The following EPHA6 variants were observed in gnomAD, a reference collection of about 807,000 sequenced individuals.
The protein encoded by EPHA6 is ephrin type-A receptor 6.
Under a neutral mutation model 112.0 loss-of-function variants are expected in EPHA6, and 50 were observed. The observed-to-expected ratio is 0.45, with a 90% CI of 0.36 to 0.56. The LOEUF (loss-of-function observed/expected upper bound fraction) is 0.56. Ranked by LOEUF, EPHA6 falls within the 20% of genes least tolerant of loss-of-function variation. The pLI, the probability that EPHA6 is intolerant of heterozygous loss-of-function variation, is 0.00. For missense variants in EPHA6, 1,280 were observed against 1,417.4 expected (o/e 0.90, Z 1.56); for synonymous variants, 529 against 490.7 (o/e 1.08, Z -1.03).
intron 7 of EPHA6, among the ~76,000 whole-genome samples, chr3:97,464,791 T>C (rs1416932313): frequency 1.3e-5 from 2 of 152,148 alleles, no homozygotes; most frequent in Non-Finnish European, 2.9e-5. Context: ...GGATAAGCTA[T>C]AGAAAAAATA....
At chr3:97,066,479 G>A (rs1399210106) in intron 3 of EPHA6, among the ~76,000 whole-genome samples, 1 of 152,038 alleles carries the variant, frequency 6.6e-6, no homozygotes, top group Non-Finnish European at 1.5e-5. Flanking sequence ...GAGGTTTTAA[G>A]GTTTTAGGAA....
intron 6 of EPHA6, among the ~76,000 whole-genome samples, chr3:97,440,378 G>T (rs1482789372): frequency 6.6e-6 from 1 of 151,848 alleles, no homozygotes; most frequent in East Asian, 1.9e-4. Flanking sequence ...TAAAGAGTTT[G>T]ATTTCCTCAA....
chr3:97,452,148 C>T (rs1015507623), intron 7 of EPHA6, among the ~76,000 whole-genome samples: 12 of 151,792 alleles, frequency 7.9e-5, no homozygotes, highest in Admixed American at 3.3e-4. Context: ...AAAATTATGG[C>T]GACCCTCTTG....
At chr3:97,553,823 T>C (rs1294916164) in intron 11 of EPHA6, among the ~76,000 whole-genome samples, 1 of 152,134 alleles carries the variant, frequency 6.6e-6, no homozygotes, top group East Asian at 1.9e-4. Context: ...CTTGGAATCA[T>C]CATGTGGCAT....
At chr3:97,548,262 A>G (rs762076538) in intron 11 of EPHA6, among the ~76,000 whole-genome samples, 5 of 152,186 alleles carry the variant, frequency 3.3e-5, no homozygotes, top group Non-Finnish European at 7.3e-5. Flanking sequence ...CATTTTTGGC[A>G]GTGGCATCAC....
Position 97,221,784 on chromosome 3 carries a change from C to T in EPHA6, c.1115-4480C>T, listed in dbSNP as rs182585297. 4.9e-4 allele frequency among the ~76,000 whole-genome samples: 74 copies of T among 152,228 alleles called. No homozygotes were observed. In the East Asian group the frequency reaches 0.011, roughly 22 times the overall value. On this transcript the variant is annotated intron_variant, in intron 3 of 17. Coordinates refer to ENST00000389672, the MANE Select transcript of EPHA6 (RefSeq NM_001080448.3). Reference sequence around the variant, plus strand: ...CGGTGGCTCATGCCTGTAATCCCAGCACTTTGGGAGGCCGACGCAGGTGGA... The same window carrying T: ...CGGTGGCTCATGCCTGTAATCCCAGTACTTTGGGAGGCCGACGCAGGTGGA...
intron 2 of EPHA6, among the ~76,000 whole-genome samples, chr3:96,934,649 A>G (rs1389119989): frequency 6.6e-6 from 1 of 151,320 alleles, no homozygotes; most frequent in Non-Finnish European, 1.5e-5. Context: ...ATTTGTAAAA[A>G]TTACTTTATA....
At chr3:97,120,156 T>C (rs1282341335) in intron 3 of EPHA6, among the ~76,000 whole-genome samples, 1 of 152,056 alleles carries the variant, frequency 6.6e-6, no homozygotes, top group African/African-American at 2.4e-5. Context: ...AAAATTATTC[T>C]TTCTACTGAT....
intron 14 of EPHA6, among the ~76,000 whole-genome samples, chr3:97,694,733 A>G (rs530146063): frequency 2.6e-5 from 4 of 152,346 alleles, no homozygotes; most frequent in African/African-American, 9.6e-5. Flanking sequence ...CTTCCATTGT[A>G]TAGTGTCAGA....
At chr3:97,629,124 T>TA (rs1473776470) in intron 13 of EPHA6, among the ~76,000 whole-genome samples, 1 of 151,876 alleles carries the variant, frequency 6.6e-6, no homozygotes, top group Non-Finnish European at 1.5e-5. Context: ...GATGGGGTCT[T>TA]ACTCTGTTGC....
intron 2 of EPHA6, among the ~76,000 whole-genome samples, chr3:96,968,520 A>G (rs2042207868): frequency 6.6e-6 from 1 of 151,754 alleles, no homozygotes; most frequent in Non-Finnish European, 1.5e-5. Flanking sequence ...AGAAGTATAT[A>G]TGAGAATTAA....
intron 3 of EPHA6, among the ~76,000 whole-genome samples, chr3:97,147,732 A>G (rs1371756430): frequency 6.6e-6 from 1 of 152,146 alleles, no homozygotes; most frequent in African/African-American, 2.4e-5. Context: ...GTTCTGCAGC[A>G]TATCTGGTCA....
chr3:97,421,814 ATG>A (rs1173423012), intron 6 of EPHA6, among the ~76,000 whole-genome samples: 1 of 152,142 alleles, frequency 6.6e-6, no homozygotes, highest in Non-Finnish European at 1.5e-5. Flanking sequence ...AGACTTGCAC[ATG>A]TGTGGACCTT....
At chr3:97,246,857 G>A (rs2079000874) in intron 5 of EPHA6, among the ~76,000 whole-genome samples, 1 of 151,860 alleles carries the variant, frequency 6.6e-6, no homozygotes, top group Admixed American at 6.6e-5. Context: ...TGAAAATGCA[G>A]ATACTCCAGG....
chr3:96,817,221 TACAGCCTAAAGTCATAGTGAGTAGA>T (rs1220700407), intron 1 of EPHA6, among the ~76,000 whole-genome samples: 1 of 151,964 alleles, frequency 6.6e-6, no homozygotes, highest in African/African-American at 2.4e-5. Context: ...TGATGCTTTT[TACAGCCTAAAGTCATAGTGAGTAGA>T]AATTTTTCCT....
At chr3:96,899,013 G>A (rs2038446430) in intron 2 of EPHA6, among the ~76,000 whole-genome samples, 1 of 149,482 alleles carries the variant, frequency 6.7e-6, no homozygotes, top group Non-Finnish European at 1.5e-5. Flanking sequence ...GGGCGACAGA[G>A]CGAAACTCCA....
At chr3:97,386,356 T>C (rs1322512870) in intron 5 of EPHA6, among the ~76,000 whole-genome samples, 1 of 152,044 alleles carries the variant, frequency 6.6e-6, no homozygotes, top group Non-Finnish European at 1.5e-5. Context: ...ATAATAAGGG[T>C]ACAGACATCG....
At chr3:97,646,665 C>T (rs1175098327) in intron 14 of EPHA6, among the ~76,000 whole-genome samples, 1 of 152,166 alleles carries the variant, frequency 6.6e-6, no homozygotes, top group Non-Finnish European at 1.5e-5. Context: ...CCACCAGAAA[C>T]AGGAGTCCAT....
intron 11 of EPHA6, among the ~76,000 whole-genome samples, chr3:97,580,889 A>C (rs952273491): frequency 1.3e-5 from 2 of 152,298 alleles, no homozygotes; most frequent in African/African-American, 2.4e-5. Flanking sequence ...CACACTTATG[A>C]TCTTATTTGA....
Sources: allele counts gnomAD v4.1 joint callset (sites outside exome capture counted in the v4.1 genomes callset), GRCh38; gene constraint gnomAD v4.1.1; transcripts MANE v1.5; gene names NCBI Gene and HGNC (gene_info 2026-07-23, HGNC 2026-07-21).